Variants in LRIG1 observed in about 807,000 individuals in gnomAD.
LRIG1 encodes the protein leucine rich repeats and immunoglobulin like domains 1.
Under a neutral mutation model 99.2 loss-of-function variants are expected in LRIG1, and 48 were observed. The ratio of observed to expected loss-of-function variants is 0.48; its 90% CI spans 0.38 to 0.62. The LOEUF (loss-of-function observed/expected upper bound fraction) is 0.62, where lower values mean the gene tolerates loss of function less well. Ranked by LOEUF, LRIG1 falls within the 20% of genes least tolerant of loss-of-function variation. The pLI is 0.00. For missense variants in LRIG1, 1,646 were observed against 1,434.4 expected (o/e 1.15, Z -2.38); for synonymous variants, 772 against 596.1 (o/e 1.29, Z -4.30).
At chr3:66,450,301 A>G (rs1363807105) in intron 3 of LRIG1, among the ~76,000 whole-genome samples, 1 of 152,180 alleles carries the variant, frequency 6.6e-6, no homozygotes, top group Non-Finnish European at 1.5e-5. Context: ...CCACCAGCCA[A>G]TGACAGTAAC....
In LRIG1 at chr3:66,380,343, C is replaced by T. The variant is rs764508673; in HGVS notation, c.3202G>A (p.Ala1068Thr). The T allele has an allele frequency of 2.5e-5, 41 of 1,614,026 alleles. No individual in the cohort carries two copies. The highest frequency in any genetic ancestry group is 5.0e-5 in the Admixed American group (3 of 59,992). Residue 1068 changes from alanine (A) to threonine (T), a missense_variant, in exon 19 of 19, where the codon GCC (alanine) becomes ACC (threonine). By Grantham distance (58) the Ala-to-Thr change is moderately conservative. Transcript: ENST00000273261. ...GTCAGTGGCGTGGACTCGGGACTGG[C>T]GTCACATGCTTTGGGGAGGTGGCCA... is the stretch of plus-strand genomic sequence containing the variant. ...SNGHLPKACD[A>T]SPESTPLTGQ...
chr3:66,461,328 AAAC>A (rs1700349888), intron 2 of LRIG1, among the ~76,000 whole-genome samples: 1 of 151,992 alleles, frequency 6.6e-6, no homozygotes, highest in South Asian at 2.1e-4. Context: ...AACAAACAAA[AAAC>A]AACAAATAAG....
At chr3:66,431,609 G>T (rs1703175594) in intron 3 of LRIG1, among the ~76,000 whole-genome samples, 4 of 152,176 alleles carry the variant, frequency 2.6e-5, no homozygotes, top group African/African-American at 9.7e-5. Flanking sequence ...AGCAACTGGG[G>T]GAGGGGGTCA....
intron 3 of LRIG1, among the ~76,000 whole-genome samples, chr3:66,417,915 G>A (rs930609329): frequency 3.3e-5 from 5 of 152,030 alleles, no homozygotes; most frequent in African/African-American, 1.2e-4. Context: ...TTAATATTAA[G>A]CATTGTGCCT....
At position 66,426,241 on chromosome 3, in the gene LRIG1, TGACC is replaced by T. The variant is rs1451034003; in HGVS notation, c.366-8979_366-8976del. 2.0e-5 allele frequency among the ~76,000 whole-genome samples: 3 copies of T among 152,342 alleles called. No homozygotes were observed. In the South Asian group the frequency reaches 6.2e-4, roughly 32 times the overall value. On this transcript the variant is annotated intron_variant, in intron 3 of 18. Transcript: ENST00000273261. ...TTTGTGGGTCATACTGTCTCTGTCATGACCACTCAGTTCTGCTGTTATAATGTAA... is the reference window on the plus strand; with the variant it reads ...TTTGTGGGTCATACTGTCTCTGTCATACTCAGTTCTGCTGTTATAATGTAA...
intron 1 of LRIG1, among the ~76,000 whole-genome samples, chr3:66,468,751 T>C (rs1355503734): frequency 6.6e-6 from 1 of 152,182 alleles, no homozygotes; most frequent in Non-Finnish European, 1.5e-5. Flanking sequence ...TGGAAAAAGG[T>C]GATTCGTCCT....
At chr3:66,468,283 A>G (rs2106857443) in intron 1 of LRIG1, among the ~76,000 whole-genome samples, 1 of 152,338 alleles carries the variant, frequency 6.6e-6, no homozygotes, top group East Asian at 1.9e-4. Flanking sequence ...CTTCATCCCC[A>G]AAAGCAAGCA....
rs373297134 is a variant in LRIG1 at position 66,380,474 on chromosome 3, G to C, written c.3071C>G (p.Thr1024Ser). The part of the protein sequence containing the change: ...SLDGKGDSSW[T>S]LARLYHPDST... Reference sequence around the variant, plus strand: ...GTCCGGGTGATACAACCTTGCTAAAGTCCAGGAAGAATCCCCTACAAGGAA... The same window carrying C: ...GTCCGGGTGATACAACCTTGCTAAACTCCAGGAAGAATCCCCTACAAGGAA... Residue 1024 changes from threonine to serine, a missense_variant, in exon 19 of 19, where the codon ACT becomes AGT. Transcript: ENST00000273261. The C allele has an allele frequency of 1.2e-6, 2 of 1,614,206 alleles. No individual in the cohort carries two copies. The highest frequency in any genetic ancestry group is 1.7e-6 in the Non-Finnish European group (2 of 1,180,040).
chr3:66,441,164 A>T (rs1010111367), intron 3 of LRIG1, among the ~76,000 whole-genome samples: 8 of 152,038 alleles, frequency 5.3e-5, no homozygotes, highest in African/African-American at 1.9e-4. Flanking sequence ...GCCCATGAGT[A>T]CCTCTGGGGC....
intron 1 of LRIG1, among the ~76,000 whole-genome samples, chr3:66,464,845 T>C (rs3845902): frequency 0.061 from 9,281 of 152,278 alleles, 948 homozygotes; most frequent in African/African-American, 0.21. Flanking sequence ...ACAAAATGTA[T>C]TCACATTTCA....
chr3:66,450,719 A>C (rs1187859373), intron 3 of LRIG1, among the ~76,000 whole-genome samples: 1 of 152,222 alleles, frequency 6.6e-6, no homozygotes, highest in Non-Finnish European at 1.5e-5. Context: ...AACTAATTAT[A>C]AAACCAGCAA....
At chr3:66,486,765 A>T (rs1258394073) in intron 1 of LRIG1, among the ~76,000 whole-genome samples, 1 of 152,160 alleles carries the variant, frequency 6.6e-6, no homozygotes, top group African/African-American at 2.4e-5. Context: ...TTTCACCTCA[A>T]TGCTAGTATT....
intron 3 of LRIG1, among the ~76,000 whole-genome samples, chr3:66,425,998 A>C (rs1304260339): frequency 6.6e-6 from 1 of 152,228 alleles, no homozygotes; most frequent in Admixed American, 6.5e-5. Flanking sequence ...GTTCCACTAC[A>C]GTTCTGTGAA....
chr3:66,384,506 A>G (rs938956597), intron 13 of LRIG1, among the ~76,000 whole-genome samples: 1 of 152,134 alleles, frequency 6.6e-6, no homozygotes, highest in African/African-American at 2.4e-5. Flanking sequence ...GGCTGGCTAT[A>G]GTCCCTTCAA....
Position 66,500,311 on chromosome 3 carries a change from C to A in LRIG1, c.97G>T (p.Ala33Ser). 10 of 1,478,014 alleles carry A rather than the reference C, an allele frequency of 6.8e-6. No homozygotes were observed. The highest frequency in any genetic ancestry group is 8.9e-6 in the Non-Finnish European group (10 of 1,118,738). The allele number at this position is 1,478,014 out of a possible 1,614,324, so 91.6% of individuals were successfully genotyped here. ...LLLLRLEPVT[A>S]AAGPRAPCAA... ...CAGGGCGCCCGCGGGCCGGCCGCGG[C>A]GGTCACCGGCTCCAGCCGAAGCAAA... Residue 33 changes from alanine to serine, a missense_variant, in exon 1 of 19, where the codon GCC becomes TCC. By Grantham distance (99) the Ala-to-Ser change is moderately conservative. Coordinates refer to ENST00000273261, the MANE Select transcript of LRIG1 (RefSeq NM_015541.3).
In LRIG1 at chr3:66,410,172, T is replaced by C; in HGVS notation, c.892A>G (p.Ile298Val). 1.2e-6 allele frequency: 2 copies of C among 1,614,144 alleles called. No homozygotes were observed. Among genetic ancestry groups the C allele is most frequent in the Middle Eastern group, 3.3e-4 (2 of 6,062 alleles). Reference protein sequence around the residue: ...LHLSNNSIARIHRKGWSFCQK... With the variant: ...LHLSNNSIARVHRKGWSFCQK... ...CAGAAGCTCCAGCCCTTGCGGTGAA[T>C]GCGAGCGATGGAATTGTTGCTGAGG... Residue 298 changes from isoleucine to valine, a missense_variant, in exon 7 of 19, where the codon ATT (isoleucine) becomes GTT (valine). Coordinates refer to ENST00000273261, the MANE Select transcript of LRIG1 (RefSeq NM_015541.3).
intron 7 of LRIG1, 118 bp from the exon 8 acceptor site, chr3:66,407,609 G>T: frequency 9.4e-7 from 1 of 1,063,434 alleles, no homozygotes; most frequent in Non-Finnish European, 1.4e-6. Context: ...AGATGCACAC[G>T]CACGCGCGTG....
chr3:66,380,836 A>G lies in LRIG1; in HGVS notation c.2796T>C (p.Ser932=). 1 of 1,614,160 alleles carries G rather than the reference A, an allele frequency of 6.2e-7. No homozygotes were observed. Among genetic ancestry groups the G allele is most frequent in the Non-Finnish European group, 8.5e-7 (1 of 1,180,014 alleles). Residue 932 remains serine, a synonymous_variant, in exon 18 of 19, where the codon AGT becomes AGC. Transcript: ENST00000273261. The part of the protein sequence containing the change: ...KMEHGGRVVC[S]DCNTEVDCYS... ...AACAGTCCACTTCGGTGTTGCAGTC[A>G]CTGCATACGACCCGGCCACCGTGTT...
Position 66,469,982 on chromosome 3 carries a change from T to C in LRIG1, c.219-7473A>G, listed in dbSNP as rs890776209. 2.3e-4 allele frequency among the ~76,000 whole-genome samples: 35 copies of C among 151,160 alleles called. 1 individual carries two copies. Among genetic ancestry groups the C allele is most frequent in the South Asian group, 6.2e-4 (3 of 4,804 alleles). On this transcript the variant is annotated intron_variant, in intron 1 of 18. Coordinates refer to ENST00000273261, the MANE Select transcript of LRIG1 (RefSeq NM_015541.3). ...TCTGACACTTGCAAGCATTCTGTAATGGTAGATCAGTAGCTACAAATTGGT... is the reference window on the plus strand; with the variant it reads ...TCTGACACTTGCAAGCATTCTGTAACGGTAGATCAGTAGCTACAAATTGGT...
Sources: gnomAD v4.1 joint callset for allele counts (sites outside exome capture counted in the v4.1 genomes callset) on GRCh38, gnomAD v4.1.1 for gene constraint, MANE v1.5 for transcripts, NCBI Gene and HGNC (gene_info 2026-07-23, HGNC 2026-07-21) for gene names.